Variants in SLC30A8 observed in about 807,000 individuals in gnomAD.
The protein encoded by SLC30A8 is proton-coupled zinc antiporter SLC30A8.
A neutral mutation model predicts 36.9 loss-of-function variants in SLC30A8; 27 were observed. That is an observed-to-expected ratio of 0.73 (90% confidence interval 0.54 to 1.01). The LOEUF (loss-of-function observed/expected upper bound fraction) is 1.01. SLC30A8 is among the 50% of genes least tolerant of loss of function. The pLI, the probability that SLC30A8 is intolerant of heterozygous loss-of-function variation, is 0.00. For missense variants in SLC30A8, 439 were observed against 452.0 expected (o/e 0.97, Z 0.26); for synonymous variants, 164 against 172.4 (o/e 0.95, Z 0.38).
rs559142134 is a variant in SLC30A8 at position 117,139,211 on chromosome 8, T to G, written c.71+3813T>G. Among the ~76,000 whole-genome samples, 31 of 152,206 alleles carry G rather than the reference T, an allele frequency of 2.0e-4. No individual in the cohort carries two copies. The Middle Eastern group carries it at 0.014, about 67-fold the overall frequency. ...TGTTTATGTCCCCCACAATTATATG[T>G]TGAAGCACAAATGCCAGTGTGGCTG... On this transcript the variant is annotated intron_variant, in intron 1 of 7. Coordinates refer to ENST00000456015, the MANE Select transcript of SLC30A8 (RefSeq NM_173851.3).
At chr8:117,010,370 C>T (rs1273589957) in intron 1 of SLC30A8, among the ~76,000 whole-genome samples, 1 of 152,058 alleles carries the variant, frequency 6.6e-6, no homozygotes, top group African/African-American at 2.4e-5. Flanking sequence ...GGAGTCATAC[C>T]CTCGGGTTAG....
intron 2 of SLC30A8, among the ~76,000 whole-genome samples, chr8:117,086,667 C>T (rs1389988292): frequency 6.6e-6 from 1 of 152,134 alleles, no homozygotes; most frequent in Non-Finnish European, 1.5e-5. Flanking sequence ...GTATTCTTCT[C>T]ATCTATAAAG....
intron 1 of SLC30A8, among the ~76,000 whole-genome samples, chr8:116,965,185 G>T (rs1373760792): frequency 6.6e-6 from 1 of 152,126 alleles, no homozygotes; most frequent in African/African-American, 2.4e-5. Context: ...TGATCCACCC[G>T]CCTTGGCCTC....
At chr8:117,086,266 C>T (rs1031360039) in intron 2 of SLC30A8, among the ~76,000 whole-genome samples, 6 of 152,184 alleles carry the variant, frequency 3.9e-5, no homozygotes, top group Non-Finnish European at 5.9e-5. Context: ...TGAACACTCC[C>T]GTTAGGGCTC....
Position 117,163,407 on chromosome 8 carries a change from C to T in SLC30A8, c.724-18C>T. 6.3e-7 allele frequency: 1 copy of T among 1,594,030 alleles called. No individual in the cohort carries two copies. The stretch of plus-strand genomic sequence containing the variant: ...AGGTATGAATTCAGTTAACCAAAAT[C>T]CCTGTTTTTTTTTCTAGCCAGAGTA... On this transcript the variant is annotated intron_variant, in intron 5 of 7. Coordinates refer to ENST00000456015, the MANE Select transcript of SLC30A8 (RefSeq NM_173851.3).
intron 1 of SLC30A8, among the ~76,000 whole-genome samples, chr8:116,986,589 G>A (rs534242559): frequency 3.3e-5 from 5 of 152,218 alleles, no homozygotes; most frequent in South Asian, 2.1e-4. Context: ...AAGATAGACC[G>A]AAAAACAAAC....
chr8:117,011,297 T>C (rs1816337034), intron 1 of SLC30A8, among the ~76,000 whole-genome samples: 1 of 152,210 alleles, frequency 6.6e-6, no homozygotes, highest in South Asian at 2.1e-4. Flanking sequence ...ACTGGGTTTA[T>C]GTCACTTGTA....
At position 117,171,020 on chromosome 8, in the gene SLC30A8, T is replaced by C; in HGVS notation, c.830-14T>C. On this transcript the variant is annotated splice_polypyrimidine_tract_variant and intron_variant, in intron 6 of 7. Coordinates refer to ENST00000456015, the MANE Select transcript of SLC30A8 (RefSeq NM_173851.3). ...GTTGAATAACTACAGCCTCCATCTC[T>C]TCCCTTTTGTCAGGTGTGCCAAAGA... 6.4e-7 allele frequency: 1 copy of C among 1,573,574 alleles called. No homozygotes were observed. The highest frequency in any genetic ancestry group is 8.6e-7 in the Non-Finnish European group (1 of 1,162,252).
upstream of SLC30A8, among the ~76,000 whole-genome samples, chr8:117,134,090 G>A (rs1821251637): frequency 1.3e-5 from 2 of 151,844 alleles, no homozygotes; most frequent in African/African-American, 4.8e-5. Flanking sequence ...ATGACAATTG[G>A]CATTGAACCC....
chr8:116,950,543 C>G (rs1199248360), upstream of SLC30A8: 1 of 152,234 alleles, frequency 6.6e-6, no homozygotes, highest in East Asian at 1.9e-4. Context: ...CCTAAGGCGT[C>G]TCAGGACTGA....
At chr8:117,163,096 A>G (rs1485746579) in intron 5 of SLC30A8, among the ~76,000 whole-genome samples, 2 of 152,240 alleles carry the variant, frequency 1.3e-5, no homozygotes, top group African/African-American at 2.4e-5. Flanking sequence ...GCATACTTTC[A>G]TCACATACTC....
intron 2 of SLC30A8, among the ~76,000 whole-genome samples, chr8:117,119,352 T>C (rs1820589223): frequency 6.6e-6 from 1 of 151,886 alleles, no homozygotes; most frequent in African/African-American, 2.4e-5. Flanking sequence ...ATATTGCTTT[T>C]TTCCCCCATC....
chr8:116,982,557 A>G lies in SLC30A8; in HGVS notation c.-266+31438A>G, dbSNP rs151024072. Among the ~76,000 whole-genome samples the G allele has an allele frequency of 1.8e-3, 277 of 152,266 alleles. 1 individual carries two copies. The highest frequency in any genetic ancestry group is 6.8e-3 in the Middle Eastern group (2 of 294). ...AGAAAGATTAATAAAAGCAAATAAGATAGTTATTTACTTAATTAGTCCAGT... is the reference window on the plus strand; with the variant it reads ...AGAAAGATTAATAAAAGCAAATAAGGTAGTTATTTACTTAATTAGTCCAGT... On this transcript the variant is annotated intron_variant, in intron 1 of 10. Transcript: ENST00000427715.
In SLC30A8 at chr8:117,025,128, T is replaced by G. The variant is rs146835026; in HGVS notation, c.-265-14091T>G. The stretch of plus-strand genomic sequence containing the variant: ...AATCTAAAAAGATTATCTTGGCACA[T>G]TTGAAATTCGGAGAGTTTAAAAAAT... On this transcript the variant is annotated intron_variant, in intron 1 of 10. Coordinates refer to the SLC30A8 transcript ENST00000427715. Among the ~76,000 whole-genome samples, 17 of 152,334 alleles carry G rather than the reference T, an allele frequency of 1.1e-4. No homozygotes were observed. The East Asian group carries it at 3.1e-3, about 28-fold the overall frequency.
At chr8:117,090,879 G>T (rs1016283781) in intron 2 of SLC30A8, among the ~76,000 whole-genome samples, 1 of 152,080 alleles carries the variant, frequency 6.6e-6, no homozygotes, top group African/African-American at 2.4e-5. Flanking sequence ...AGTACCCTCT[G>T]GGCAAAACCA....
intron 1 of SLC30A8, among the ~76,000 whole-genome samples, chr8:116,985,535 ATGT>A (rs1815416045): frequency 1.3e-5 from 2 of 152,174 alleles, no homozygotes; most frequent in African/African-American, 2.4e-5. Context: ...CTTGTACATA[ATGT>A]TGTACAAGTA....
At chr8:117,075,232 C>A (rs200477960) in intron 2 of SLC30A8, among the ~76,000 whole-genome samples, 1 of 123,426 alleles carries the variant, frequency 8.1e-6, no homozygotes, top group East Asian at 2.6e-4. Flanking sequence ...AATTATATTT[C>A]ATAGGAGAAA....
At chr8:117,015,539 C>A (rs575295541) in intron 1 of SLC30A8, among the ~76,000 whole-genome samples, 3 of 29,644 alleles carry the variant, frequency 1.0e-4, no homozygotes, top group East Asian at 1.5e-3. Flanking sequence ...ATTATGCACC[C>A]CCCCCCCCCA....
At chr8:117,161,529 G>A (rs563884165) in intron 4 of SLC30A8, among the ~76,000 whole-genome samples, 37 of 152,176 alleles carry the variant, frequency 2.4e-4, no homozygotes, top group Non-Finnish European at 5.4e-4. Flanking sequence ...TAAACTGGAT[G>A]GGTCTTTGTG....
Sources: allele counts gnomAD v4.1 joint callset (sites outside exome capture counted in the v4.1 genomes callset), GRCh38; gene constraint gnomAD v4.1.1; transcripts MANE v1.5; gene names NCBI Gene and HGNC (gene_info 2026-07-23, HGNC 2026-07-21).